Variants in GRIP1 observed in about 807,000 individuals in gnomAD.
GRIP1 encodes glutamate receptor interacting protein 1, also known as glutamate receptor-interacting protein 1.
A neutral mutation model predicts 129.9 loss-of-function variants in GRIP1; 45 were observed. The observed-to-expected ratio is 0.35, with a 90% CI of 0.27 to 0.44. The LOEUF (loss-of-function observed/expected upper bound fraction) is 0.44. GRIP1 is among the 20% of genes least tolerant of loss of function. The pLI is 1.00. For synonymous variants in GRIP1, 530 were observed against 520.8 expected (o/e 1.02, Z -0.24); for missense variants, 1,196 against 1,396.8 (o/e 0.86, Z 2.29).
intron 1 of GRIP1, among the ~76,000 whole-genome samples, chr12:67,036,491 C>CT (rs1009455514): frequency 7.3e-5 from 11 of 151,684 alleles, no homozygotes; most frequent in African/African-American, 2.2e-4. Flanking sequence ...CTATGCCTGG[C>CT]TTTTTTTTCT....
At chr12:66,935,352 T>C (rs1198071958) in intron 1 of GRIP1, among the ~76,000 whole-genome samples, 2 of 152,112 alleles carry the variant, frequency 1.3e-5, no homozygotes, top group Admixed American at 1.3e-4. Flanking sequence ...AGACCACACG[T>C]AGGTTCCACA....
At chr12:66,732,594 GAC>G (rs2036474530) in intron 1 of GRIP1, among the ~76,000 whole-genome samples, 2 of 151,550 alleles carry the variant, frequency 1.3e-5, no homozygotes, top group South Asian at 4.2e-4. Context: ...CCTTTTTGAT[GAC>G]ACTCTTCCAC....
At chr12:66,705,964 C>T (rs1055028258) in intron 1 of GRIP1, among the ~76,000 whole-genome samples, 31 of 152,090 alleles carry the variant, frequency 2.0e-4, no homozygotes, top group South Asian at 4.1e-4. Flanking sequence ...AGAAGAAAAC[C>T]TAGGCAATAC....
intron 1 of GRIP1, among the ~76,000 whole-genome samples, chr12:66,747,465 T>C (rs1405723985): frequency 6.6e-6 from 1 of 152,124 alleles, no homozygotes; most frequent in African/African-American, 2.4e-5. Context: ...AAACATGAAG[T>C]AAAAGAAGCA....
intron 1 of GRIP1, among the ~76,000 whole-genome samples, chr12:66,732,618 G>A (rs924396591): frequency 1.3e-5 from 2 of 151,522 alleles, no homozygotes; most frequent in East Asian, 3.9e-4. Context: ...TAATGAAAAG[G>A]AAATACATTT....
chr12:66,455,597 T>C (rs1256493954), intron 10 of GRIP1, 33 bp from the exon 11 acceptor site: 18 of 1,605,702 alleles, frequency 1.1e-5, no homozygotes, highest in African/African-American at 2.7e-5. Context: ...CACAGAGCAC[T>C]CTCAGGTGAG....
chr12:66,627,223 T>TTCTG (rs145899241), intron 1 of GRIP1, among the ~76,000 whole-genome samples: 6,338 of 152,252 alleles, frequency 0.042, 250 homozygotes, highest in African/African-American at 0.1. Flanking sequence ...CTTAAGATGT[T>TTCTG]TCTGTACTGC....
chr12:66,752,147 A>G (rs1407981393), intron 1 of GRIP1, among the ~76,000 whole-genome samples: 2 of 152,206 alleles, frequency 1.3e-5, no homozygotes. Context: ...TTATAACAAC[A>G]GTCATAACAA....
chr12:66,943,085 A>T (rs1318918906), intron 1 of GRIP1, among the ~76,000 whole-genome samples: 1 of 152,218 alleles, frequency 6.6e-6, no homozygotes, highest in African/African-American at 2.4e-5. Context: ...GTACAAATGT[A>T]AAAATTTGGG....
At chr12:66,795,064 A>T (rs1039194605) in intron 1 of GRIP1, among the ~76,000 whole-genome samples, 1 of 152,350 alleles carries the variant, frequency 6.6e-6, no homozygotes, top group Admixed American at 6.5e-5. Context: ...GGTGAAATGT[A>T]CTGAGCAAAG....
Position 66,451,383 on chromosome 12 carries a change from GTTTTTTTTTTTTTTTTTTTTTTTTT to G in GRIP1, c.1354+4001_1354+4025del, listed in dbSNP as rs1169331519. Among the ~76,000 whole-genome samples, 10 of 42,656 alleles carry G rather than the reference GTTTTTTTTTTTTTTTTTTTTTTTTT, an allele frequency of 2.3e-4. 1 individual carries two copies. The South Asian group carries it at 6.3e-3, about 27-fold the overall frequency. The allele number at this position is 42,656 out of a possible 152,430, so 28.0% of individuals were successfully genotyped here. A position where few individuals can be genotyped will look rare whatever the true frequency, so the allele number is the denominator to read the frequency against. On this transcript the variant is annotated intron_variant, in intron 11 of 24. Transcript: ENST00000359742. The stretch of plus-strand genomic sequence containing the variant: ...CCCCAAAGATTTATTATTATAATCT[GTTTTTTTTTTTTTTTTTTTTTTTTT>G]TTTTTTTTTTTTTCAGATAGGCTCT...
chr12:66,907,148 C>A (rs1467138069), intron 1 of GRIP1, among the ~76,000 whole-genome samples: 1 of 152,146 alleles, frequency 6.6e-6, no homozygotes, highest in African/African-American at 2.4e-5. Flanking sequence ...AAAACCTTGT[C>A]ATTTTTTGTT....
intron 1 of GRIP1, among the ~76,000 whole-genome samples, chr12:66,864,045 C>A (rs776392379): frequency 2.6e-5 from 4 of 152,108 alleles, no homozygotes; most frequent in Non-Finnish European, 4.4e-5. Context: ...TTGGCAAGAT[C>A]TTGCTTAATC....
chr12:66,863,927 C>T (rs78049366), intron 1 of GRIP1, among the ~76,000 whole-genome samples: 2 of 152,106 alleles, frequency 1.3e-5, no homozygotes, highest in African/African-American at 4.8e-5. Context: ...CCCAGTAAGG[C>T]AGGGTGAGTC....
At chr12:67,029,380 C>T (rs916120835) in intron 1 of GRIP1, among the ~76,000 whole-genome samples, 2 of 152,208 alleles carry the variant, frequency 1.3e-5, no homozygotes, top group African/African-American at 2.4e-5. Context: ...TCCCAAAGTG[C>T]CAGGATTACA....
intron 1 of GRIP1, among the ~76,000 whole-genome samples, chr12:66,854,380 C>T (rs184375688): frequency 2.9e-4 from 44 of 151,956 alleles, no homozygotes; most frequent in African/African-American, 8.9e-4. Context: ...CAGCCTTGTA[C>T]GCCTCAATAA....
chr12:66,695,561 G>C (rs1224196083), intron 1 of GRIP1, among the ~76,000 whole-genome samples: 1 of 152,178 alleles, frequency 6.6e-6, no homozygotes, highest in Non-Finnish European at 1.5e-5. Flanking sequence ...GCAGGTAGGA[G>C]GTTATCTTAT....
intron 1 of GRIP1, among the ~76,000 whole-genome samples, chr12:66,905,047 T>C (rs2221396): frequency 0.26 from 39,396 of 152,058 alleles, 5,493 homozygotes; most frequent in East Asian, 0.45. Context: ...GAAATATTGC[T>C]GAGTCTCTAT....
intron 1 of GRIP1, among the ~76,000 whole-genome samples, chr12:66,997,607 C>CT (rs1428454528): frequency 5.3e-5 from 8 of 152,182 alleles, no homozygotes; most frequent in Non-Finnish European, 1.0e-4. Flanking sequence ...GGACAAGAAG[C>CT]TTGAAGCCAG....
Sources: allele counts gnomAD v4.1 joint callset (sites outside exome capture counted in the v4.1 genomes callset), GRCh38; gene constraint gnomAD v4.1.1; transcripts MANE v1.5; gene names NCBI Gene and HGNC (gene_info 2026-07-23, HGNC 2026-07-21).